GRM6: variants seen among roughly 807,000 people sequenced by gnomAD.
GRM6 encodes the protein metabotropic glutamate receptor 6.
GRM6 carries 73 observed loss-of-function variants against 78.4 expected under a neutral mutation model. The observed-to-expected ratio is 0.93, with a 90% confidence interval of 0.77 to 1.13. The LOEUF (loss-of-function observed/expected upper bound fraction) is 1.13. GRM6 is among the 50% of genes most tolerant of loss of function. The probability of loss-of-function intolerance (pLI) is 0.00; values close to 1 mark genes in which losing one functional copy is unlikely to be tolerated. For synonymous variants in GRM6, 580 were observed against 555.0 expected (o/e 1.05, Z -0.63); for missense variants, 1,251 against 1,256.4 (o/e 1.00, Z 0.07).
intron 9 of GRM6, chr5:178,985,784 C>T (rs1436956829): frequency 4.4e-5 from 22 of 495,824 alleles, no homozygotes; most frequent in Non-Finnish European, 7.7e-5. Context: ...TGTTTTGAGA[C>T]AGGGTCTTAC....
In GRM6 at chr5:178,983,026, C is replaced by T; in HGVS notation, c.2320G>A (p.Gly774Ser). Residue 774 changes from glycine (G) to serine (S), a missense_variant, in exon 10 of 11, where the codon GGC becomes AGC. Physicochemically the swap from Gly to Ser is moderately conservative, Grantham distance 56. Transcript: ENST00000517717. ...TCTVYAIKAR[G>S]VPETFNEAKP... Reference sequence around the variant, plus strand: ...GCCTCGTTGAAGGTCTCGGGCACGCCACGGGCCTTGATGGCGTACACTGTG... The same window carrying T: ...GCCTCGTTGAAGGTCTCGGGCACGCTACGGGCCTTGATGGCGTACACTGTG... The T allele has an allele frequency of 6.2e-7, 1 of 1,614,166 alleles. No homozygotes were observed. The highest frequency in any genetic ancestry group is 8.5e-7 in the Non-Finnish European group (1 of 1,180,004).
intron 9 of GRM6, among the ~76,000 whole-genome samples, chr5:178,984,228 C>T (rs2113318601): frequency 6.6e-6 from 1 of 152,076 alleles, no homozygotes; most frequent in Middle Eastern, 3.4e-3. Flanking sequence ...CCCAGGGCTG[C>T]ACAGCGGTAA....
At position 178,992,061 on chromosome 5, in the gene GRM6, G is replaced by C; in HGVS notation, c.527C>G (p.Ser176Cys). ...LFAIPQISYA[S>C]TAPELSDSTR... Reference sequence around the variant, plus strand: ...GGAGTCGCTGAGCTCCGGGGCTGTGGAGGCATAGCTGATCTGGGGTATCTG... The same window carrying C: ...GGAGTCGCTGAGCTCCGGGGCTGTGCAGGCATAGCTGATCTGGGGTATCTG... The change falls in exon 3 of 11, where the codon TCC (serine) becomes TGC (cysteine). Residue 176 changes from serine to cysteine, a missense_variant. Ser to Cys is a moderately radical substitution (Grantham distance 112). Coordinates refer to ENST00000517717, the MANE Select transcript of GRM6 (RefSeq NM_000843.4). This position sits in a 1 kb window ranked among gnomAD's most constrained non-coding sequence, Gnocchi z 4.9. The C allele has an allele frequency of 6.2e-7, 1 of 1,613,768 alleles. No individual in the cohort carries two copies. The highest frequency in any genetic ancestry group is 8.5e-7 in the Non-Finnish European group (1 of 1,179,828).
At position 178,992,886 on chromosome 5, in the gene GRM6, G is replaced by A. The variant is rs6600998; in HGVS notation, c.505-803C>T. 0.56 allele frequency among the ~76,000 whole-genome samples: 84,140 copies of A among 151,426 alleles called. 23,599 individuals are homozygous for A. Among genetic ancestry groups the A allele is most frequent in the African/African-American group, 0.61 (24,981 of 41,206 alleles). On this transcript the variant is annotated intron_variant, in intron 2 of 10. Coordinates refer to ENST00000517717, the MANE Select transcript of GRM6 (RefSeq NM_000843.4). The surrounding 1 kb of genome is among the most constrained non-coding windows in gnomAD (Gnocchi z 4.9). ...GAGAGAGAAAGAAAGAGGGAAGGTGGGGCTGGAGAGAAACAAGAAGGAGAG... is the reference window on the plus strand; with the variant it reads ...GAGAGAGAAAGAAAGAGGGAAGGTGAGGCTGGAGAGAAACAAGAAGGAGAG...
At chr5:178,983,249 C>T (rs1760441301) in intron 9 of GRM6, 28 bp from the exon 10 acceptor site, 3 of 1,585,264 alleles carry the variant, frequency 1.9e-6, no homozygotes, top group East Asian at 2.2e-5. Flanking sequence ...GCATCAGACA[C>T]AGCACTTTCC....
rs1159574276 is a variant in GRM6 at position 178,988,637 on chromosome 5, G to A, written c.1354+298C>T. On this transcript the variant is annotated intron_variant, in intron 7 of 10. Transcript: ENST00000517717. This position sits in a 1 kb window ranked among gnomAD's most constrained non-coding sequence, Gnocchi z 6.0. ...GGGTCCAGATGCCCTCAAGCTCTGC[G>A]CAGTGGAGGGGAGTGTGGTGTGACC... is the stretch of plus-strand genomic sequence containing the variant. Among the ~76,000 whole-genome samples the A allele has an allele frequency of 2.6e-5, 4 of 152,320 alleles. No individual in the cohort carries two copies. The highest frequency in any genetic ancestry group is 2.1e-4 in the South Asian group (1 of 4,826).
intron 9 of GRM6, chr5:178,985,823 G>T (rs758326982): frequency 1.3e-5 from 7 of 528,724 alleles, no homozygotes; most frequent in African/African-American, 5.8e-5. Context: ...TTGTAGTGGT[G>T]CGATCTTGGC....
chr5:178,981,314 C>T lies in GRM6; in HGVS notation c.*343G>A. 3.5e-6 allele frequency: 1 copy of T among 283,644 alleles called. No individual in the cohort carries two copies. The allele number at this position is 283,644 out of a possible 1,614,324, so 17.6% of individuals were successfully genotyped here. On this transcript the variant is annotated 3_prime_UTR_variant, in exon 11 of 11. Coordinates refer to ENST00000517717, the MANE Select transcript of GRM6 (RefSeq NM_000843.4). This position sits in a 1 kb window ranked among gnomAD's most constrained non-coding sequence, Gnocchi z 5.1. ...TGGGGGTTGACTGAGGGGAGGAAAT[C>T]TCCCGCAAACCAGGCAAAGCCCAGG...
rs774762067 is a variant in GRM6, at chr5:178,992,052, G to A, written c.536C>T (p.Pro179Leu). ...IPQISYASTA[P>L]ELSDSTRYDF... Reference sequence around the variant, plus strand: ...ATAGCGTGTGGAGTCGCTGAGCTCCGGGGCTGTGGAGGCATAGCTGATCTG... The same window carrying A: ...ATAGCGTGTGGAGTCGCTGAGCTCCAGGGCTGTGGAGGCATAGCTGATCTG... Residue 179 changes from proline to leucine, a missense_variant, in exon 3 of 11, where the codon CCG becomes CTG. Transcript: ENST00000517717. The surrounding 1 kb of genome is among the most constrained non-coding windows in gnomAD (Gnocchi z 4.9). 86 of 1,613,792 alleles carry A rather than the reference G, an allele frequency of 5.3e-5. No individual in the cohort carries two copies. The highest frequency in any genetic ancestry group is 1.9e-4 in the South Asian group (17 of 91,072).
chr5:178,987,220 G>T, intron 7 of GRM6: 1 of 664,932 alleles, frequency 1.5e-6, no homozygotes, highest in South Asian at 1.5e-5. Flanking sequence ...CCTTGTGCAC[G>T]GTGGGTGGGA....
chr5:178,983,299 G>A (rs765359975), intron 9 of GRM6, 78 bp from the exon 10 acceptor site: 7 of 1,270,804 alleles, frequency 5.5e-6, no homozygotes, highest in Non-Finnish European at 7.9e-6. Flanking sequence ...GGCCCCTGCG[G>A]GTCAGGATCC....
At position 178,986,553 on chromosome 5, in the gene GRM6, G is replaced by T; in HGVS notation, c.1701C>A (p.Asn567Lys). 6.2e-7 allele frequency: 1 copy of T among 1,607,816 alleles called. No homozygotes were observed. The highest frequency in any genetic ancestry group is 1.1e-5 in the South Asian group (1 of 91,070). The change falls in exon 9 of 11, where the codon AAC becomes AAA. Residue 567 changes from asparagine (N) to lysine (K), a missense_variant. Asn to Lys is a moderately conservative substitution (Grantham distance 94). Transcript: ENST00000517717. ...ACPGDMRPTP[N>K]HTGCRPTPVV... The stretch of plus-strand genomic sequence containing the variant: ...CAGGTGTGGGGCGGCAGCCCGTGTG[G>T]TTGGGCGTGGGCCTCATGTCCCCAG...
Position 178,991,911 on chromosome 5 carries a change from C to A in GRM6, c.677G>T (p.Gly226Val). 2 of 1,614,156 alleles carry A rather than the reference C, an allele frequency of 1.2e-6. No individual in the cohort carries two copies. The highest frequency in any genetic ancestry group is 1.7e-6 in the Non-Finnish European group (2 of 1,180,034). ...VSTLASEGNY[G>V]ESGVEAFVQI... ...AACGAAGGCCTCAACCCCACTTTCG[C>A]CATAGTTGCCCTCGGAGGCCAGCGT... Residue 226 changes from glycine to valine, a missense_variant, in exon 3 of 11, where the codon GGC becomes GTC. Gly to Val is a moderately radical substitution (Grantham distance 109). Transcript: ENST00000517717. The surrounding 1 kb of genome is among the most constrained non-coding windows in gnomAD (Gnocchi z 5.0).
Position 178,978,952 on chromosome 5 carries a change from C to G in GRM6, c.*2705G>C, listed in dbSNP as rs974742538. 22 of 152,078 alleles carry G rather than the reference C, an allele frequency of 1.4e-4. No individual in the cohort carries two copies. Among genetic ancestry groups the G allele is most frequent in the African/African-American group, 5.3e-4 (22 of 41,404 alleles). The allele number at this position is 152,078 out of a possible 1,614,324, so 9.4% of individuals were successfully genotyped here. Reference sequence around the variant, plus strand: ...GGAGCTGTCAACCTCCACTGAACACCACAGAAATGATCAAAGAGGCTAGGT... The same window carrying G: ...GGAGCTGTCAACCTCCACTGAACACGACAGAAATGATCAAAGAGGCTAGGT... On this transcript the variant is annotated 3_prime_UTR_variant, in exon 11 of 11. Coordinates refer to ENST00000517717, the MANE Select transcript of GRM6 (RefSeq NM_000843.4).
chr5:178,989,184 AC>A, intron 6 of GRM6, 49 bp from the exon 7 acceptor site: 2 of 1,589,072 alleles, frequency 1.3e-6, no homozygotes, highest in South Asian at 2.3e-5. Flanking sequence ...CATGCACCGA[AC>A]CCGGCCTCCC....
intron 4 of GRM6, 158 bp from the exon 5 acceptor site, chr5:178,990,904 C>T (rs186894848): frequency 2.9e-4 from 191 of 653,826 alleles, no homozygotes; most frequent in African/African-American, 2.7e-3. Context: ...GGCACCTTCC[C>T]TGGGCTTTCC....
chr5:178,985,701 T>TCGG (rs1554113566), intron 9 of GRM6: 1 of 296,406 alleles, frequency 3.4e-6, no homozygotes, highest in Admixed American at 4.1e-5. Context: ...AGACTCTGTC[T>TCGG]AAAAAAAAAA....
chr5:178,983,090 G>C lies in GRM6; in HGVS notation c.2256C>G (p.Ile752Met), dbSNP rs376987111. ...LKCDMSDLSL[I>M]GCLGYSLLLM... The stretch of plus-strand genomic sequence containing the variant: ...GCAGGAGGCTGTAGCCCAGGCAGCC[G>C]ATGAGAGACAGATCCGACATGTCGC... Residue 752 changes from isoleucine to methionine, a missense_variant, in exon 10 of 11, where the codon ATC (isoleucine) becomes ATG (methionine). Physicochemically the swap from Ile to Met is conservative, Grantham distance 10. Transcript: ENST00000517717. 6.2e-7 allele frequency: 1 copy of C among 1,614,034 alleles called. No homozygotes were observed.
chr5:178,994,774 G>C lies in GRM6; in HGVS notation c.171C>G (p.Cys57Trp). The C allele has an allele frequency of 7.3e-7, 1 of 1,361,598 alleles. No individual in the cohort carries two copies. The highest frequency in any genetic ancestry group is 1.6e-5 in the South Asian group (1 of 62,646). The allele number at this position is 1,361,598 out of a possible 1,614,324, so 84.3% of individuals were successfully genotyped here. The change falls in exon 2 of 11, where the codon TGC becomes TGG. Residue 57 changes from cysteine to tryptophan, a missense_variant. Coordinates refer to ENST00000517717, the MANE Select transcript of GRM6 (RefSeq NM_000843.4). The stretch of plus-strand genomic sequence containing the variant: ...CGCCCTGCTCCTTCTTCAGCTGCCC[G>C]CACGCCCGGCCCGCCGCGCCCCGCG... ...VHARGAAGRACGQLKKEQGVH... is the reference protein window; with the variant it reads ...VHARGAAGRAWGQLKKEQGVH...
Sources: allele counts gnomAD v4.1 joint callset (sites outside exome capture counted in the v4.1 genomes callset), GRCh38; gene constraint gnomAD v4.1.1; non-coding constraint Gnocchi (gnomAD v3.1); transcripts MANE v1.5; gene names NCBI Gene and HGNC (gene_info 2026-07-23, HGNC 2026-07-21).